DPF3: variants seen among roughly 807,000 people sequenced by gnomAD.
The protein encoded by DPF3 is zinc finger protein DPF3.
A neutral mutation model predicts 56.8 loss-of-function variants in DPF3; 18 were observed. The observed-to-expected ratio is 0.32, with a 90% CI of 0.22 to 0.47. The LOEUF is 0.47. DPF3 is among the 20% of genes least tolerant of loss of function. The pLI is 1.00. For missense variants in DPF3, 403 were observed against 488.8 expected (o/e 0.82, Z 1.65); for synonymous variants, 188 against 180.2 (o/e 1.04, Z -0.35).
rs569640809 is a variant in DPF3, at chr14:72,816,230, C to G, written c.33-44337G>C. ...CTAAGCCTGTGGAGCCAGGCAGAAC[C>G]CTGGGCCTCCCCACCTCCCCACCCT... is the stretch of plus-strand genomic sequence containing the variant. On this transcript the variant is annotated intron_variant, in intron 1 of 10. Transcript: ENST00000556509. 5.9e-5 allele frequency among the ~76,000 whole-genome samples: 9 copies of G among 152,342 alleles called. No individual in the cohort carries two copies. The South Asian group carries it at 1.9e-3, about 32-fold the overall frequency.
intron 1 of DPF3, among the ~76,000 whole-genome samples, chr14:72,856,826 C>A (rs1885186895): frequency 6.6e-6 from 1 of 152,208 alleles, no homozygotes; most frequent in African/African-American, 2.4e-5. Flanking sequence ...GGCTGAGAGT[C>A]CAGCGCGGCC....
chr14:72,659,317 TTCTCTC>T lies in DPF3; in HGVS notation c.871+14917_871+14922del, dbSNP rs1450338315. Among the ~76,000 whole-genome samples, 451 of 152,354 alleles carry T rather than the reference TTCTCTC, an allele frequency of 3.0e-3. 4 individuals are homozygous for T. The highest frequency in any genetic ancestry group is 0.011 in the African/African-American group (439 of 41,590). ...CGAGTGGATGAGGAACATGATTTCTTTCTCTCTTTTTCATTCTCTGGCCCATGTGTG... is the reference window on the plus strand; with the variant it reads ...CGAGTGGATGAGGAACATGATTTCTTTTTTTCATTCTCTGGCCCATGTGTG... On this transcript the variant is annotated intron_variant, in intron 8 of 10. Coordinates refer to ENST00000556509, the MANE Select transcript of DPF3 (RefSeq NM_001280542.3).
chr14:72,723,641 T>C lies in DPF3; in HGVS notation c.517A>G (p.Arg173Gly). 2 of 1,579,698 alleles carry C rather than the reference T, an allele frequency of 1.3e-6. No homozygotes were observed. The highest frequency in any genetic ancestry group is 1.7e-6 in the Non-Finnish European group (2 of 1,169,550). ...TGTCATCCCCAACTTACCCGTCCTC[T>C]AGTCCTGTTCTTTCGCTTGGGAATA... ...EDIPKRKNRT[R>G]GRARGSAGGR... Residue 173 changes from arginine to glycine, a missense_variant, in exon 5 of 11, where the codon AGA becomes GGA. Coordinates refer to ENST00000556509, the MANE Select transcript of DPF3 (RefSeq NM_001280542.3).
chr14:72,679,552 A>C (rs1025321845), intron 7 of DPF3, among the ~76,000 whole-genome samples: 2 of 152,168 alleles, frequency 1.3e-5, no homozygotes, highest in African/African-American at 4.8e-5. Context: ...GGCAGTGAGC[A>C]GAGCCCTCTG....
At chr14:72,768,444 C>CA (rs1421690460) in intron 2 of DPF3, among the ~76,000 whole-genome samples, 1 of 152,084 alleles carries the variant, frequency 6.6e-6, no homozygotes, top group East Asian at 1.9e-4. Flanking sequence ...AGTGGTTACA[C>CA]AAATCTAGAC....
At chr14:72,730,082 TA>T (rs966501119) in intron 4 of DPF3, among the ~76,000 whole-genome samples, 28 of 151,860 alleles carry the variant, frequency 1.8e-4, no homozygotes, top group African/African-American at 6.8e-4. Context: ...TGTTAAAAAA[TA>T]TTTTTTTTTA....
intron 2 of DPF3, among the ~76,000 whole-genome samples, chr14:72,764,442 T>C (rs10136210): frequency 0.36 from 52,962 of 148,654 alleles, 9,632 homozygotes; most frequent in Middle Eastern, 0.42. Flanking sequence ...ATGTCCTTCG[T>C]AATAAACTGG....
intron 1 of DPF3, among the ~76,000 whole-genome samples, chr14:72,818,535 G>C (rs1883388538): frequency 6.6e-6 from 1 of 152,182 alleles, no homozygotes; most frequent in Admixed American, 6.5e-5. Flanking sequence ...TTATTAACCA[G>C]GTGTGGTGGC....
At chr14:72,762,018 G>T (rs1166295621) in intron 2 of DPF3, among the ~76,000 whole-genome samples, 1 of 151,584 alleles carries the variant, frequency 6.6e-6, no homozygotes, top group East Asian at 1.9e-4. Flanking sequence ...AACCTAAATA[G>T]CCCTATATCT....
intron 1 of DPF3, among the ~76,000 whole-genome samples, chr14:72,802,086 A>G (rs1023953919): frequency 1.3e-5 from 2 of 152,096 alleles, no homozygotes; most frequent in Non-Finnish European, 2.9e-5. Context: ...AACAAGTGGC[A>G]CCATGTGAGT....
intron 1 of DPF3, among the ~76,000 whole-genome samples, chr14:72,887,215 GAT>G (rs1350264615): frequency 6.7e-6 from 1 of 150,110 alleles, no homozygotes; most frequent in Non-Finnish European, 1.5e-5. Flanking sequence ...GCAAAATACA[GAT>G]GTTCTCAGTG....
intron 1 of DPF3, among the ~76,000 whole-genome samples, chr14:72,777,944 T>C (rs1214169738): frequency 2.0e-5 from 3 of 152,150 alleles, no homozygotes; most frequent in Non-Finnish European, 4.4e-5. Context: ...AATACAAGAA[T>C]GGCCTAATCC....
At chr14:72,632,805 AGGAGGGGAAG>A (rs1262046790) in intron 8 of DPF3, among the ~76,000 whole-genome samples, 25 of 104,430 alleles carry the variant, frequency 2.4e-4, no homozygotes, top group Middle Eastern at 0.01. Flanking sequence ...AGAGAGGAAG[AGGAGGGGAAG>A]GGAGGGGAAG....
chr14:72,739,666 G>A (rs944806240), intron 3 of DPF3, among the ~76,000 whole-genome samples: 9 of 152,184 alleles, frequency 5.9e-5, no homozygotes, highest in African/African-American at 9.7e-5. Context: ...AGAATGAGAC[G>A]CAGCTGGAAA....
At chr14:72,820,610 A>G (rs566406832) in intron 1 of DPF3, among the ~76,000 whole-genome samples, 22 of 152,284 alleles carry the variant, frequency 1.4e-4, no homozygotes, top group Non-Finnish European at 2.8e-4. Context: ...AAGACCCAAA[A>G]CCTTAACAAT....
intron 2 of DPF3, 74 bp from the exon 3 acceptor site, chr14:72,753,445 C>T (rs3742835): frequency 0.74 from 861,675 of 1,165,424 alleles, 320,664 homozygotes; most frequent in Middle Eastern, 0.85. Flanking sequence ...TGACTAACCC[C>T]GTCATTCACA....
At chr14:72,861,747 G>GAGAAAGAAAGAA (rs1555513990) in intron 1 of DPF3, among the ~76,000 whole-genome samples, 1 of 15,624 alleles carries the variant, frequency 6.4e-5, no homozygotes, top group East Asian at 8.4e-4. Flanking sequence ...GAGAAAGAAA[G>GAGAAAGAAAGAA]AAAGAAAGAA....
chr14:72,670,092 T>C, intron 8 of DPF3: 1 of 985,826 alleles, frequency 1.0e-6, no homozygotes, highest in South Asian at 4.7e-5. Context: ...ACAAAGTGCC[T>C]GGCAGGCACT....
intron 1 of DPF3, among the ~76,000 whole-genome samples, chr14:72,837,332 C>T (rs528383191): frequency 6.6e-6 from 1 of 152,310 alleles, no homozygotes; most frequent in South Asian, 2.1e-4. Flanking sequence ...CCATTCCAGC[C>T]ATGGATCTAT....
Sources: gnomAD v4.1 joint callset for allele counts (sites outside exome capture counted in the v4.1 genomes callset) on GRCh38, gnomAD v4.1.1 for gene constraint, MANE v1.5 for transcripts, NCBI Gene and HGNC (gene_info 2026-07-23, HGNC 2026-07-21) for gene names.